Variants in DYNC2H1 observed in about 807,000 individuals in gnomAD.
The protein encoded by DYNC2H1 is cytoplasmic dynein 2 heavy chain 1.
A neutral mutation model predicts 570.0 loss-of-function variants in DYNC2H1; 410 were observed. That is an observed-to-expected ratio of 0.72 (90% CI 0.66 to 0.78). DYNC2H1 has a LOEUF of 0.78. Ranked by LOEUF, DYNC2H1 falls within the 30% of genes least tolerant of loss-of-function variation. DYNC2H1 has a pLI of 0.00. For synonymous variants in DYNC2H1, 1,688 were observed against 1,677.6 expected (o/e 1.01, Z -0.15); for missense variants, 4,865 against 5,046.4 (o/e 0.96, Z 1.09).
intron 83 of DYNC2H1, among the ~76,000 whole-genome samples, chr11:103,367,622 A>C (rs189952014): frequency 1.0e-3 from 153 of 152,210 alleles, no homozygotes; most frequent in Non-Finnish European, 1.2e-3. Flanking sequence ...TCTTCTAGCT[A>C]TTTTGTGCTA....
intron 47 of DYNC2H1, among the ~76,000 whole-genome samples, chr11:103,194,585 G>A (rs1320918455): frequency 2.0e-5 from 3 of 152,114 alleles, no homozygotes; most frequent in Non-Finnish European, 4.4e-5. Flanking sequence ...AGTGTATATA[G>A]ATATGTCATT....
chr11:103,271,194 G>A (rs747120051), intron 70 of DYNC2H1, among the ~76,000 whole-genome samples: 8 of 152,166 alleles, frequency 5.3e-5, no homozygotes, highest in Non-Finnish European at 1.2e-4. Flanking sequence ...ATGAAAAAGT[G>A]GAAGTTCTGT....
chr11:103,315,946 T>G (rs530422343), intron 79 of DYNC2H1, among the ~76,000 whole-genome samples: 1 of 152,178 alleles, frequency 6.6e-6, no homozygotes, highest in South Asian at 2.1e-4. Context: ...TATTTTAATT[T>G]GAACTTATTT....
At chr11:103,167,477 G>A (rs1346431997) in intron 31 of DYNC2H1, among the ~76,000 whole-genome samples, 4 of 151,820 alleles carry the variant, frequency 2.6e-5, no homozygotes, top group East Asian at 3.9e-4. Flanking sequence ...CATGTTGCCC[G>A]GGCTGGTTTC....
intron 83 of DYNC2H1, among the ~76,000 whole-genome samples, chr11:103,380,221 C>T (rs772422772): frequency 2.0e-4 from 31 of 152,146 alleles, no homozygotes; most frequent in African/African-American, 4.6e-4. Context: ...TGTAAACAGT[C>T]GAGATAACTC....
chr11:103,309,964 T>G (rs1867499568), intron 78 of DYNC2H1, among the ~76,000 whole-genome samples: 1 of 152,174 alleles, frequency 6.6e-6, no homozygotes, highest in Non-Finnish European at 1.5e-5. Flanking sequence ...ATTTTTTTAT[T>G]TCTTGAATCA....
chr11:103,270,983 C>T (rs1323725783), intron 70 of DYNC2H1, among the ~76,000 whole-genome samples: 1 of 152,154 alleles, frequency 6.6e-6, no homozygotes, highest in Non-Finnish European at 1.5e-5. Context: ...AAATTGTTTT[C>T]ATGCAAACTT....
chr11:103,203,701 C>A lies in DYNC2H1; in HGVS notation c.8236C>A (p.Pro2746Thr), dbSNP rs1862808181. Reference protein sequence around the residue: ...PGLYTLEELEPLLLPLKDQAS... With the variant: ...PGLYTLEELETLLLPLKDQAS... Reference sequence around the variant, plus strand: ...ACTCTATACTCTTGAAGAATTAGAGCCCTTGCTGTTACCACTTAAGGATCA... The same window carrying A: ...ACTCTATACTCTTGAAGAATTAGAGACCTTGCTGTTACCACTTAAGGATCA... The change falls in exon 51 of 89, where the codon CCC becomes ACC. Residue 2746 changes from proline to threonine, a missense_variant. This residue lies in a region of DYNC2H1 where 2,401 missense variants were observed against 2,454.6 expected (regional missense o/e 0.98). Transcript: ENST00000375735. This position sits in a 1 kb window ranked among gnomAD's most constrained non-coding sequence, Gnocchi z 4.7. The A allele has an allele frequency of 4.3e-6, 7 of 1,612,196 alleles. No homozygotes were observed. Among genetic ancestry groups the A allele is most frequent in the Non-Finnish European group, 5.9e-6 (7 of 1,179,138 alleles).
Position 103,461,303 on chromosome 11 carries a change from GT to G in DYNC2H1, c.12648+4955del, listed in dbSNP as rs141358615. 1.3e-5 allele frequency among the ~76,000 whole-genome samples: 2 copies of G among 151,702 alleles called. No individual in the cohort carries two copies. Among genetic ancestry groups the G allele is most frequent in the Non-Finnish European group, 2.9e-5 (2 of 67,900 alleles). On this transcript the variant is annotated intron_variant, in intron 87 of 88. Transcript: ENST00000375735. This position sits in a 1 kb window ranked among gnomAD's most constrained non-coding sequence, Gnocchi z 4.8. ...TTTTACTATCACTATAATTTTATTA[GT>G]TTTTTTTAAAATCTCTATCACCATA...
chr11:103,340,447 T>TC (rs1939389417), intron 82 of DYNC2H1, among the ~76,000 whole-genome samples: 1 of 152,236 alleles, frequency 6.6e-6, no homozygotes, highest in Non-Finnish European at 1.5e-5. Flanking sequence ...TGAAGCCTTA[T>TC]CTTTAGCTTC....
Position 103,317,240 on chromosome 11 carries a change from C to T in DYNC2H1, c.11725+620C>T, listed in dbSNP as rs1381025510. 5.9e-5 allele frequency among the ~76,000 whole-genome samples: 9 copies of T among 152,166 alleles called. No homozygotes were observed. The East Asian group carries it at 1.5e-3, about 26-fold the overall frequency. ...CAAACAAATCTCTCAATTCCTGTCT[C>T]CTCCCCACCCCCAACCCTGCAACCC... On this transcript the variant is annotated intron_variant, in intron 80 of 88. Coordinates refer to ENST00000375735, the MANE Select transcript of DYNC2H1 (RefSeq NM_001377.3).
chr11:103,150,943 C>G (rs1453619909), intron 20 of DYNC2H1, among the ~76,000 whole-genome samples: 1 of 152,166 alleles, frequency 6.6e-6, no homozygotes, highest in Non-Finnish European at 1.5e-5. Flanking sequence ...TGAGCCATAT[C>G]AGGGACCTTA....
rs772552918 is a variant in DYNC2H1 at position 103,236,491 on chromosome 11, C to G, written c.9771C>G (p.Gly3257=). The change falls in exon 63 of 89, where the codon GGC becomes GGG. Residue 3257 remains glycine (G), a synonymous_variant. Transcript: ENST00000375735. ...AGCAGTTAATTTGGAAAAGTGAAGGCCTACCATCAGATGACCTTTCCATAG... is the reference window on the plus strand; with the variant it reads ...AGCAGTTAATTTGGAAAAGTGAAGGGCTACCATCAGATGACCTTTCCATAG... ...ESEQLIWKSE[G]LPSDDLSIEN... 1.8e-5 allele frequency: 29 copies of G among 1,608,886 alleles called. 1 individual carries two copies. The South Asian group carries it at 3.2e-4, about 18-fold the overall frequency.
Position 103,268,118 on chromosome 11 carries a change from C to T in DYNC2H1, c.10695+8141C>T, listed in dbSNP as rs1042997817. 3.3e-5 allele frequency among the ~76,000 whole-genome samples: 5 copies of T among 151,874 alleles called. No individual in the cohort carries two copies. The highest frequency in any genetic ancestry group is 1.2e-4 in the African/African-American group (5 of 41,376). ...CAGTAAATTTCTGTAAGTATAATTGCTGGTCCAAGGATTGCTTTATAAATC... is the reference window on the plus strand; with the variant it reads ...CAGTAAATTTCTGTAAGTATAATTGTTGGTCCAAGGATTGCTTTATAAATC... On this transcript the variant is annotated intron_variant, in intron 70 of 88. Transcript: ENST00000375735. The surrounding 1 kb of genome is among the most constrained non-coding windows in gnomAD (Gnocchi z 4.6).
chr11:103,319,896 A>G lies in DYNC2H1; in HGVS notation c.11726-1133A>G, dbSNP rs1420292343. On this transcript the variant is annotated intron_variant, in intron 80 of 88. Transcript: ENST00000375735. The surrounding 1 kb of genome is among the most constrained non-coding windows in gnomAD (Gnocchi z 4.3). Reference sequence around the variant, plus strand: ...GTCCTTTGTTTAGTCACTGTTGACTATAAGATGTAGGCAGATAACAACTTT... The same window carrying G: ...GTCCTTTGTTTAGTCACTGTTGACTGTAAGATGTAGGCAGATAACAACTTT... Among the ~76,000 whole-genome samples, 11 of 152,298 alleles carry G rather than the reference A, an allele frequency of 7.2e-5. No homozygotes were observed. The highest frequency in any genetic ancestry group is 1.9e-4 in the African/African-American group (8 of 41,580).
Position 103,177,748 on chromosome 11 carries a change from G to GACATGGAC in DYNC2H1, c.6071_6078dup (p.Arg2027TrpfsTer11), listed in dbSNP as rs1394238141. ...TCGATATCAATTATTAGGCCATATTGACATGGACACAAGAGAATGGTCTGA... is the reference window on the plus strand; with the variant it reads ...TCGATATCAATTATTAGGCCATATTGACATGGACACATGGACACAAGAGAATGGTCTGA... On this transcript the variant is annotated frameshift_variant, in exon 38 of 89. Transcript: ENST00000375735. LOFTEE classifies it high-confidence loss of function. This position sits in a 1 kb window ranked among gnomAD's most constrained non-coding sequence, Gnocchi z 4.4. The GACATGGAC allele has an allele frequency of 6.2e-7, 1 of 1,613,290 alleles. No individual in the cohort carries two copies. Among genetic ancestry groups the GACATGGAC allele is most frequent in the Non-Finnish European group, 8.5e-7 (1 of 1,179,658 alleles).
chr11:103,159,052 G>A, intron 28 of DYNC2H1, 25 bp downstream of exon 28: 1 of 1,562,620 alleles, frequency 6.4e-7, no homozygotes, highest in Non-Finnish European at 8.8e-7. Flanking sequence ...TTATTTAACA[G>A]ATATTTATTG....
intron 84 of DYNC2H1, among the ~76,000 whole-genome samples, chr11:103,425,837 T>G (rs2135727622): frequency 6.6e-6 from 1 of 151,860 alleles, no homozygotes; most frequent in East Asian, 1.9e-4. Flanking sequence ...ATTTAAAAGT[T>G]TAATGTTTAT....
chr11:103,377,860 C>A (rs1365737616), intron 83 of DYNC2H1, among the ~76,000 whole-genome samples: 2 of 152,280 alleles, frequency 1.3e-5, no homozygotes, highest in Non-Finnish European at 2.9e-5. Context: ...CTTCAGCCTC[C>A]CAATTAGCTG....
Sources: allele counts gnomAD v4.1 joint callset (sites outside exome capture counted in the v4.1 genomes callset), GRCh38; gene constraint gnomAD v4.1.1; regional missense constraint gnomAD v4.1.1; non-coding constraint Gnocchi (gnomAD v3.1); transcripts MANE v1.5; gene names NCBI Gene and HGNC (gene_info 2026-07-23, HGNC 2026-07-21).